Variants in PCDHA6 observed in about 807,000 individuals in gnomAD.
PCDHA6 encodes protocadherin alpha 6, also known as protocadherin alpha-6.
In PCDHA6, 55 loss-of-function variants were observed where a neutral mutation model predicts 60.3. The observed-to-expected ratio is 0.91, with a 90% CI of 0.73 to 1.14. PCDHA6 has a LOEUF of 1.14. Among genes scored for constraint, PCDHA6 ranks in the 50% most tolerant of loss-of-function variants. PCDHA6 has a pLI of 0.00. For missense variants in PCDHA6, 1,327 were observed against 1,256.5 expected (o/e 1.06, Z -0.85); for synonymous variants, 652 against 557.9 (o/e 1.17, Z -2.38).
At chr5:140,875,580 C>G (rs1381718234) in intron 1 of PCDHA6, 7 of 1,613,958 alleles carry the variant, frequency 4.3e-6, no homozygotes, top group Admixed American at 1.7e-5. Context: ...ACTCCGTCTA[C>G]GAGGAGGCCA....
At chr5:140,968,529 C>T in intron 1 of PCDHA6, 1 of 1,614,206 alleles carries the variant, frequency 6.2e-7, no homozygotes, top group Non-Finnish European at 8.5e-7. Flanking sequence ...ACCAACTCGT[C>T]AGCAGCCTTC....
At chr5:140,886,903 A>G (rs1432603652) in intron 1 of PCDHA6, among the ~76,000 whole-genome samples, 1 of 152,188 alleles carries the variant, frequency 6.6e-6, no homozygotes, top group East Asian at 1.9e-4. Context: ...CATTTAATAA[A>G]TACTTATTGA....
chr5:140,907,623 G>A (rs553186767), intron 1 of PCDHA6, among the ~76,000 whole-genome samples: 3 of 152,234 alleles, frequency 2.0e-5, no homozygotes, highest in Non-Finnish European at 2.9e-5. Context: ...AGGGCTCAGT[G>A]TTGGTCTCTG....
At chr5:140,941,262 T>TTTCTCTTTCC in intron 1 of PCDHA6, among the ~76,000 whole-genome samples, 1 of 138,798 alleles carries the variant, frequency 7.2e-6, no homozygotes, top group Non-Finnish European at 1.6e-5. Context: ...TTTCTCTTTC[T>TTTCTCTTTCC]TTCTTTCTTT....
At chr5:140,928,676 G>A in intron 1 of PCDHA6, 2 of 1,614,166 alleles carry the variant, frequency 1.2e-6, no homozygotes, top group East Asian at 2.2e-5. Context: ...TCTAATGCCT[G>A]GCTTTCCTAC....
In PCDHA6 at chr5:140,829,498, G is replaced by T; in HGVS notation, c.1407G>T (p.Pro469=). 6.2e-7 allele frequency: 1 copy of T among 1,613,570 alleles called. No individual in the cohort carries two copies. Among genetic ancestry groups the T allele is most frequent in the Non-Finnish European group, 8.5e-7 (1 of 1,179,954 alleles). The change falls in exon 1 of 4, where the codon CCG becomes CCT. Residue 469 remains proline, a synonymous_variant. Coordinates refer to ENST00000529310, the MANE Select transcript of PCDHA6 (RefSeq NM_018909.4). ...EYTVFVKENN[P]PGCHIFTVSA... is the part of the protein sequence containing the mutation. ...CAGTGTTCGTGAAGGAGAACAACCC[G>T]CCGGGCTGCCACATCTTCACGGTGT...
chr5:140,828,051 CG>C lies in PCDHA6; in HGVS notation c.-39del. Reference sequence around the variant, plus strand: ...GAACATACAGTATTTTATCTTTATGCGGAAGATCTTCTAATGGAAATAAAAC... The same window carrying C: ...GAACATACAGTATTTTATCTTTATGCGAAGATCTTCTAATGGAAATAAAAC... On this transcript the variant is annotated 5_prime_UTR_variant, in exon 1 of 4. The change abolishes the stop of an existing upstream ORF in the 5' untranslated region. Coordinates refer to ENST00000529310, the MANE Select transcript of PCDHA6 (RefSeq NM_018909.4). 6.5e-7 allele frequency: 1 copy of C among 1,545,276 alleles called. No homozygotes were observed. The highest frequency in any genetic ancestry group is 2.3e-5 in the East Asian group (1 of 44,368).
At chr5:140,926,731 G>C (rs1282301090) in intron 1 of PCDHA6, 9 of 1,104,780 alleles carry the variant, frequency 8.1e-6, no homozygotes, top group Middle Eastern at 3.2e-4. Flanking sequence ...GCCGGCGTTC[G>C]GGAGGCGCAA....
rs1387090858 is a variant in PCDHA6, at chr5:140,923,184, T to C, written c.2395-55765T>C. Reference sequence around the variant, plus strand: ...AGATAAATTTTTGTTCAGATGCATCTACTGCAGCAATTTGGGAGGCTAAGG... The same window carrying C: ...AGATAAATTTTTGTTCAGATGCATCCACTGCAGCAATTTGGGAGGCTAAGG... On this transcript the variant is annotated intron_variant, in intron 1 of 3. Transcript: ENST00000529310. Among the ~76,000 whole-genome samples the C allele has an allele frequency of 3.9e-5, 6 of 152,146 alleles. No homozygotes were observed. In the East Asian group the frequency reaches 1.2e-3, roughly 29 times the overall value.
intron 1 of PCDHA6, among the ~76,000 whole-genome samples, chr5:140,962,176 C>T (rs1554225858): frequency 6.6e-6 from 1 of 152,104 alleles, no homozygotes; most frequent in Admixed American, 6.6e-5. Flanking sequence ...CACCCGGCCA[C>T]TTATATCACT....
intron 1 of PCDHA6, chr5:140,835,967 G>A (rs2150249249): frequency 2.5e-6 from 4 of 1,613,286 alleles, no homozygotes; most frequent in Admixed American, 1.7e-5. Context: ...ACGAGGAGCT[G>A]GAGCTGTTGC....
chr5:140,853,923 T>C lies in PCDHA6; in HGVS notation c.2394+23438T>C, dbSNP rs150827815. 226 of 917,558 alleles carry C rather than the reference T, an allele frequency of 2.5e-4. 13 individuals carry two copies. The highest frequency in any genetic ancestry group is 2.8e-4 in the Non-Finnish European group (208 of 754,762). The allele number at this position is 917,558 out of a possible 1,614,324, so 56.8% of individuals were successfully genotyped here. A position where few individuals can be genotyped will look rare whatever the true frequency, so the allele number is the denominator to read the frequency against. On this transcript the variant is annotated intron_variant, in intron 1 of 3. Coordinates refer to ENST00000529310, the MANE Select transcript of PCDHA6 (RefSeq NM_018909.4). Reference sequence around the variant, plus strand: ...TGGCCTGACACCTGCAATCCCAACATTTTGGGAGGCCAAGGTGGGAGGGTC... The same window carrying C: ...TGGCCTGACACCTGCAATCCCAACACTTTGGGAGGCCAAGGTGGGAGGGTC...
At position 140,870,457 on chromosome 5, in the gene PCDHA6, C is replaced by T. The variant is rs2052038650; in HGVS notation, c.2394+39972C>T. 3.1e-6 allele frequency: 5 copies of T among 1,614,110 alleles called. No individual in the cohort carries two copies. Among genetic ancestry groups the T allele is most frequent in the African/African-American group, 1.3e-5 (1 of 74,948 alleles). ...GGTGGCCGACGTGAACGACAATGCG[C>T]CTGCGTTCGCACAGCCCGAGTACAC... On this transcript the variant is annotated intron_variant, in intron 1 of 3. Coordinates refer to ENST00000529310, the MANE Select transcript of PCDHA6 (RefSeq NM_018909.4).
rs369541654 is a variant in PCDHA6 at position 141,010,673 on chromosome 5, A to G, written c.*736A>G. On this transcript the variant is annotated 3_prime_UTR_variant, in exon 4 of 4. Coordinates refer to ENST00000529310, the MANE Select transcript of PCDHA6 (RefSeq NM_018909.4). ...TTTTAACAGAGAACCACCCTGGGAAACAGAAGCAGATCTGATGTGTTTCCT... is the reference window on the plus strand; with the variant it reads ...TTTTAACAGAGAACCACCCTGGGAAGCAGAAGCAGATCTGATGTGTTTCCT... 8.1e-4 allele frequency: 133 copies of G among 163,824 alleles called. No individual in the cohort carries two copies. Among genetic ancestry groups the G allele is most frequent in the Non-Finnish European group, 5.5e-4 (41 of 74,388 alleles). 10.1% of individuals were successfully genotyped at this position (163,824 alleles called of 1,614,324 possible). A position where few individuals can be genotyped will look rare whatever the true frequency, so the allele number is the denominator to read the frequency against.
chr5:140,870,078 G>C (rs2051638531), intron 1 of PCDHA6: 1 of 1,613,720 alleles, frequency 6.2e-7, no homozygotes, highest in African/African-American at 1.3e-5. Flanking sequence ...CAGATAAGGG[G>C]ACTCCCCCAA....
chr5:140,859,825 T>C (rs752840072), intron 1 of PCDHA6: 1 of 152,250 alleles, frequency 6.6e-6, no homozygotes, highest in Admixed American at 6.5e-5. Flanking sequence ...AGTTTAGAAG[T>C]GTATTTGTTA....
At chr5:140,974,291 A>G (rs1417274006) in intron 1 of PCDHA6, among the ~76,000 whole-genome samples, 1 of 152,196 alleles carries the variant, frequency 6.6e-6, no homozygotes, top group Admixed American at 6.5e-5. Context: ...CTGGGCTCCA[A>G]GGAGGTACAA....
Position 140,829,867 on chromosome 5 carries a change from G to A in PCDHA6, c.1776G>A (p.Ala592=), listed in dbSNP as rs1199530922. ...CACTGGGTGCAGGCCAAGTGGTGGCGAAGGTGCGCGCAGTTGACGCCGACT... is the reference window on the plus strand; with the variant it reads ...CACTGGGTGCAGGCCAAGTGGTGGCAAAGGTGCGCGCAGTTGACGCCGACT... The part of the protein sequence containing the change: ...PRSLGAGQVV[A]KVRAVDADSG... Residue 592 remains alanine (A), a synonymous_variant, in exon 1 of 4, where the codon GCG becomes GCA. Transcript: ENST00000529310. The A allele has an allele frequency of 5.0e-6, 8 of 1,613,830 alleles. No homozygotes were observed. In the African/African-American group the frequency reaches 9.3e-5, roughly 19 times the overall value.
At chr5:140,944,678 A>G (rs1483326984) in intron 1 of PCDHA6, among the ~76,000 whole-genome samples, 4 of 152,162 alleles carry the variant, frequency 2.6e-5, no homozygotes, top group African/African-American at 9.7e-5. Context: ...TATTCTGTGT[A>G]TCCTATTAAT....
Sources: allele counts gnomAD v4.1 joint callset (sites outside exome capture counted in the v4.1 genomes callset), GRCh38; gene constraint gnomAD v4.1.1; transcripts MANE v1.5; gene names NCBI Gene and HGNC (gene_info 2026-07-23, HGNC 2026-07-21).